SNX29: variants seen among roughly 807,000 people sequenced by gnomAD.
SNX29 encodes sorting nexin-29.
A neutral mutation model predicts 102.1 loss-of-function variants in SNX29; 78 were observed. The observed-to-expected ratio is 0.76, with a 90% confidence interval of 0.64 to 0.92. The LOEUF is 0.92. SNX29 is among the 40% of genes least tolerant of loss of function. The pLI, the probability that SNX29 is intolerant of heterozygous loss-of-function variation, is 0.00. For synonymous variants in SNX29, 580 were observed against 414.5 expected, an observed-to-expected ratio of 1.40 and a Z score of -4.85; for missense variants, 1,280 against 1,061.7, an observed-to-expected ratio of 1.21 and a Z score of -2.86.
intron 11 of SNX29, among the ~76,000 whole-genome samples, chr16:12,089,127 AAGAG>A (rs139548374): frequency 4.3e-4 from 38 of 88,704 alleles, no homozygotes; most frequent in Middle Eastern, 6.3e-3. Flanking sequence ...AGAGAGAGAA[AAGAG>A]AGAGAGAGAG....
chr16:12,007,669 C>G (rs2056502344), intron 3 of SNX29, among the ~76,000 whole-genome samples: 1 of 152,176 alleles, frequency 6.6e-6, no homozygotes, highest in South Asian at 2.1e-4. Context: ...TTCCCTCCAA[C>G]TCCTCTCCTG....
chr16:12,197,852 C>A (rs1452099797), intron 13 of SNX29, among the ~76,000 whole-genome samples: 1 of 151,164 alleles, frequency 6.6e-6, no homozygotes, highest in Non-Finnish European at 1.5e-5. Context: ...TGAGTTTGAT[C>A]CTTTTTTTTT....
At chr16:12,223,933 A>T (rs550633039) in intron 14 of SNX29, among the ~76,000 whole-genome samples, 1 of 152,248 alleles carries the variant, frequency 6.6e-6, no homozygotes, top group African/African-American at 2.4e-5. Flanking sequence ...ATACGAAGAA[A>T]CGTAGCCTCG....
At chr16:12,493,255 C>T (rs1270162485) in intron 19 of SNX29, among the ~76,000 whole-genome samples, 2 of 152,122 alleles carry the variant, frequency 1.3e-5, no homozygotes, top group Non-Finnish European at 2.9e-5. Context: ...CTTCACATCC[C>T]TTGTAAGTTG....
chr16:12,162,276 G>A (rs374060670), intron 13 of SNX29, among the ~76,000 whole-genome samples: 11 of 152,108 alleles, frequency 7.2e-5, no homozygotes, highest in African/African-American at 2.2e-4. Context: ...CCCTCTCATC[G>A]TCCATCCTAG....
intron 13 of SNX29, among the ~76,000 whole-genome samples, chr16:12,158,138 G>T (rs1294805051): frequency 6.6e-6 from 1 of 151,982 alleles, no homozygotes; most frequent in Admixed American, 6.6e-5. Context: ...GATTGCAGTG[G>T]CGCCATCATG....
intron 20 of SNX29, among the ~76,000 whole-genome samples, chr16:12,551,336 G>C (rs1444410772): frequency 3.9e-5 from 6 of 152,200 alleles, no homozygotes; most frequent in African/African-American, 9.6e-5. Context: ...GAGATATGTG[G>C]AATCATTCTT....
chr16:12,469,112 C>T (rs1424419985), intron 18 of SNX29, among the ~76,000 whole-genome samples: 1 of 152,202 alleles, frequency 6.6e-6, no homozygotes, highest in Non-Finnish European at 1.5e-5. Flanking sequence ...CTTTATGCTA[C>T]ATCCTTCTTT....
chr16:12,187,293 C>G (rs1253970423), intron 13 of SNX29, among the ~76,000 whole-genome samples: 1 of 152,204 alleles, frequency 6.6e-6, no homozygotes, highest in Non-Finnish European at 1.5e-5. Flanking sequence ...GGCGCGGTGG[C>G]CCACTCCTGG....
At chr16:12,407,029 C>T (rs1375025718) in intron 18 of SNX29, among the ~76,000 whole-genome samples, 3 of 152,240 alleles carry the variant, frequency 2.0e-5, no homozygotes, top group East Asian at 1.9e-4. Context: ...ACATTTACCC[C>T]ACACACAGAG....
intron 20 of SNX29, chr16:12,546,658 G>A (rs142689051): frequency 1.3e-5 from 2 of 152,316 alleles, no homozygotes; most frequent in African/African-American, 4.8e-5. Context: ...ACCAAGAAGA[G>A]TGGATAAATC....
intron 4 of SNX29, among the ~76,000 whole-genome samples, chr16:12,030,103 G>A (rs1189990286): frequency 1.3e-5 from 2 of 152,134 alleles, no homozygotes; most frequent in African/African-American, 4.8e-5. Context: ...CTTGCTTTCT[G>A]CGATGCCATA....
intron 20 of SNX29, among the ~76,000 whole-genome samples, chr16:12,564,741 A>T (rs541296922): frequency 6.6e-6 from 1 of 151,804 alleles, no homozygotes; most frequent in African/African-American, 2.4e-5. Flanking sequence ...GTTGTGCCTA[A>T]CAACTGTCTG....
At chr16:12,482,175 C>T (rs1333040869) in intron 19 of SNX29, among the ~76,000 whole-genome samples, 1 of 152,242 alleles carries the variant, frequency 6.6e-6, no homozygotes, top group African/African-American at 2.4e-5. Flanking sequence ...GATTGGGTTA[C>T]TTCAAGGATA....
At chr16:12,489,600 T>C (rs2088434939) in intron 19 of SNX29, among the ~76,000 whole-genome samples, 1 of 152,202 alleles carries the variant, frequency 6.6e-6, no homozygotes, top group Admixed American at 6.5e-5. Flanking sequence ...AACAAGCTTA[T>C]GCCAGTCAAG....
At chr16:12,348,620 T>G (rs1381504477) in intron 15 of SNX29, among the ~76,000 whole-genome samples, 1 of 152,156 alleles carries the variant, frequency 6.6e-6, no homozygotes, top group Non-Finnish European at 1.5e-5. Flanking sequence ...CTCAGCACCC[T>G]TCCAGGTCCT....
At chr16:12,554,804 T>G (rs2078222833) in intron 20 of SNX29, among the ~76,000 whole-genome samples, 1 of 152,092 alleles carries the variant, frequency 6.6e-6, no homozygotes, top group African/African-American at 2.4e-5. Context: ...ATTCTAGAAA[T>G]TTGTATTGAG....
chr16:12,415,024 G>A (rs1466935105), intron 18 of SNX29, among the ~76,000 whole-genome samples: 3 of 152,234 alleles, frequency 2.0e-5, no homozygotes, highest in Middle Eastern at 3.2e-3. Context: ...CACCCGGCCT[G>A]TTGTCTTTTT....
At chr16:12,175,376 A>G (rs1480763299) in intron 13 of SNX29, among the ~76,000 whole-genome samples, 5 of 152,078 alleles carry the variant, frequency 3.3e-5, no homozygotes, top group Non-Finnish European at 7.4e-5. Context: ...GGCATGGTGG[A>G]TCATGCCTTT....
Sources: allele counts gnomAD v4.1 joint callset (sites outside exome capture counted in the v4.1 genomes callset), GRCh38; gene constraint gnomAD v4.1.1; transcripts MANE v1.5; gene names NCBI Gene and HGNC (gene_info 2026-07-23, HGNC 2026-07-21).